ASTN1: variants seen among roughly 807,000 people sequenced by gnomAD.
ASTN1 encodes the protein astrotactin-1.
A neutral mutation model predicts 140.7 loss-of-function variants in ASTN1; 41 were observed. That is an observed-to-expected ratio of 0.29 (90% CI 0.23 to 0.38). ASTN1 has a LOEUF of 0.38. Ranked by LOEUF, ASTN1 falls within the 10% of genes least tolerant of loss-of-function variation. ASTN1 has a pLI of 1.00. For missense variants in ASTN1, 1,479 were observed against 1,678.8 expected (o/e 0.88, Z 2.08); for synonymous variants, 640 against 652.2 (o/e 0.98, Z 0.29).
chr1:176,975,029 A>G (rs1445042251), intron 8 of ASTN1, among the ~76,000 whole-genome samples: 2 of 152,228 alleles, frequency 1.3e-5, no homozygotes, highest in Non-Finnish European at 2.9e-5. Flanking sequence ...TTTAAGGGTC[A>G]TCATAGAAGG....
At chr1:177,003,548 C>T (rs756476758) in intron 8 of ASTN1, among the ~76,000 whole-genome samples, 36 of 152,136 alleles carry the variant, frequency 2.4e-4, no homozygotes, top group Non-Finnish European at 3.8e-4. Flanking sequence ...CAGTGGCTCA[C>T]GCCTATAATC....
chr1:176,901,213 A>G (rs1253490499), intron 16 of ASTN1, among the ~76,000 whole-genome samples: 1 of 152,210 alleles, frequency 6.6e-6, no homozygotes, highest in African/African-American at 2.4e-5. Flanking sequence ...ACCTAGTTGC[A>G]GAGATTTGGG....
chr1:177,072,113 T>C (rs1678674105), intron 1 of ASTN1, among the ~76,000 whole-genome samples: 1 of 152,204 alleles, frequency 6.6e-6, no homozygotes, highest in Non-Finnish European at 1.5e-5. Flanking sequence ...TGCTACAGAC[T>C]GTGCTGTCTA....
At chr1:176,994,110 C>T (rs1021983849) in intron 8 of ASTN1, among the ~76,000 whole-genome samples, 22 of 151,822 alleles carry the variant, frequency 1.4e-4, no homozygotes, top group African/African-American at 4.6e-4. Context: ...CCACCCCCCC[C>T]GCCACCCACC....
chr1:176,944,084 T>C, intron 13 of ASTN1, 66 bp from the exon 14 acceptor site: 2 of 1,579,112 alleles, frequency 1.3e-6, no homozygotes, highest in Non-Finnish European at 1.7e-6. Flanking sequence ...TGAGCATTTT[T>C]TTTTTTTTTT....
rs1334671433 is a variant in ASTN1 at position 176,876,571 on chromosome 1, G to A, written c.3429C>T (p.Thr1143=). 1.9e-6 allele frequency: 3 copies of A among 1,614,140 alleles called. No individual in the cohort carries two copies. In the Admixed American group the frequency reaches 5.0e-5, roughly 27 times the overall value. ...TGACATCATCCACCACGGGGCATGG[G>A]GTCTTCACGATCACGTCGCTTGGCC... The part of the protein sequence containing the change: ...RSRPSDVIVK[T]PCPVVDDVKA... The change falls in exon 21 of 23, where the codon ACC becomes ACT. Residue 1143 remains threonine, a synonymous_variant. Coordinates refer to ENST00000361833, the MANE Select transcript of ASTN1 (RefSeq NM_004319.3).
At chr1:176,942,866 A>ACT in intron 14 of ASTN1, among the ~76,000 whole-genome samples, 1 of 69,978 alleles carries the variant, frequency 1.4e-5, no homozygotes, top group Non-Finnish European at 2.8e-5. Context: ...ATATATATAT[A>ACT]GATTGATGTC....
chr1:177,059,064 T>C (rs948572453), intron 2 of ASTN1, among the ~76,000 whole-genome samples: 13 of 152,206 alleles, frequency 8.5e-5, no homozygotes, highest in African/African-American at 2.9e-4. Context: ...CTTTAAAATA[T>C]AATCACAATA....
At chr1:177,085,219 GC>G (rs1304807706) in intron 1 of ASTN1, among the ~76,000 whole-genome samples, 1 of 152,112 alleles carries the variant, frequency 6.6e-6, no homozygotes, top group Non-Finnish European at 1.5e-5. Context: ...ATATCATTTA[GC>G]TTTTCTGGAC....
At chr1:177,010,306 T>C (rs1675227955) in intron 8 of ASTN1, among the ~76,000 whole-genome samples, 1 of 152,146 alleles carries the variant, frequency 6.6e-6, no homozygotes, top group African/African-American at 2.4e-5. Context: ...AGTTATTCAG[T>C]GAATTCATAC....
chr1:176,942,930 CATT>C (rs1204235967), intron 14 of ASTN1, among the ~76,000 whole-genome samples: 1 of 144,424 alleles, frequency 6.9e-6, no homozygotes, highest in African/African-American at 2.5e-5. Flanking sequence ...ACCTTGGGCA[CATT>C]GTTGTCAGGA....
chr1:177,100,571 T>C lies in ASTN1; in HGVS notation c.284-39306A>G, dbSNP rs150590504. 4.3e-4 allele frequency among the ~76,000 whole-genome samples: 65 copies of C among 151,810 alleles called. 1 individual carries two copies. The highest frequency in any genetic ancestry group is 1.5e-3 in the African/African-American group (62 of 41,522). On this transcript the variant is annotated intron_variant, in intron 1 of 22. Transcript: ENST00000361833. ...ATCGAGAGAAAGGTTGGTGCCTCCA[T>C]GGAAAATATTTTGCCTTCAGGAGTT...
At chr1:176,906,257 T>A (rs1196328141) in intron 16 of ASTN1, among the ~76,000 whole-genome samples, 1 of 152,116 alleles carries the variant, frequency 6.6e-6, no homozygotes. Flanking sequence ...CTTTAAATAT[T>A]TGAAGGGTTG....
intron 2 of ASTN1, among the ~76,000 whole-genome samples, chr1:177,050,380 C>G (rs925315248): frequency 6.6e-6 from 1 of 152,290 alleles, no homozygotes; most frequent in South Asian, 2.1e-4. Flanking sequence ...GCCCCAGATA[C>G]GATTCTGTGA....
At chr1:177,015,557 G>A (rs1210404690) in intron 7 of ASTN1, among the ~76,000 whole-genome samples, 2 of 152,052 alleles carry the variant, frequency 1.3e-5, no homozygotes, top group Non-Finnish European at 2.9e-5. Context: ...TCTGGGAGTG[G>A]GTCACCAGAA....
chr1:177,107,048 C>T (rs1680578593), intron 1 of ASTN1, among the ~76,000 whole-genome samples: 1 of 152,154 alleles, frequency 6.6e-6, no homozygotes, highest in African/African-American at 2.4e-5. Flanking sequence ...TTTGGGGCAG[C>T]TGGCAGTTTA....
In ASTN1 at chr1:177,121,221, G is replaced by A. The variant is rs145070331; in HGVS notation, c.283+43173C>T. Among the ~76,000 whole-genome samples, 22 of 152,194 alleles carry A rather than the reference G, an allele frequency of 1.4e-4. No individual in the cohort carries two copies. The South Asian group carries it at 1.5e-3, about 10-fold the overall frequency. ...CCTACACAGGATGAAAGGGAGTGCC[G>A]AGTGCTTTATAAGATGAACACTGGG... On this transcript the variant is annotated intron_variant, in intron 1 of 22. Coordinates refer to ENST00000361833, the MANE Select transcript of ASTN1 (RefSeq NM_004319.3).
At chr1:176,943,462 A>G (rs972587964) in intron 14 of ASTN1, among the ~76,000 whole-genome samples, 4 of 152,182 alleles carry the variant, frequency 2.6e-5, no homozygotes, top group African/African-American at 9.7e-5. Context: ...ATGTGACAAC[A>G]AAACTGTCAT....
rs906397486 is a variant in ASTN1, at chr1:176,863,272, C to T, written c.*1012G>A. ...GGGATGAACAGAAGTTTTTTGTGAT[C>T]AATAATAGCTTTAGTTCACTGTAAC... On this transcript the variant is annotated 3_prime_UTR_variant, in exon 23 of 23. Transcript: ENST00000361833. 3.9e-5 allele frequency: 38 copies of T among 985,728 alleles called. No homozygotes were observed. Among genetic ancestry groups the T allele is most frequent in the Non-Finnish European group, 4.1e-5 (34 of 829,938 alleles). 61.1% of individuals were successfully genotyped at this position (985,728 alleles called of 1,614,324 possible). A position where few individuals can be genotyped will look rare whatever the true frequency, so the allele number is the denominator to read the frequency against.
Sources: gnomAD v4.1 joint callset for allele counts (sites outside exome capture counted in the v4.1 genomes callset) on GRCh38, gnomAD v4.1.1 for gene constraint, MANE v1.5 for transcripts, NCBI Gene and HGNC (gene_info 2026-07-23, HGNC 2026-07-21) for gene names.